ACTG1: variants seen among roughly 807,000 people sequenced by gnomAD.
ACTG1 encodes the protein actin gamma 1.
In ACTG1, 14 loss-of-function variants were observed where a neutral mutation model predicts 34.3. The ratio of observed to expected loss-of-function variants is 0.41; its 90% CI spans 0.27 to 0.64. ACTG1 has a LOEUF of 0.64. ACTG1 is among the 30% of genes least tolerant of loss of function. The pLI is 0.33. For synonymous variants in ACTG1, 422 were observed against 213.9 expected (o/e 1.97, Z -8.49); for missense variants, 233 against 529.5 (o/e 0.44, Z 5.50).
Position 81,511,992 on chromosome 17 carries a change from T to A in ACTG1, c.274A>T (p.Asn92Tyr), listed in dbSNP as rs2143783169. Residue 92 changes from asparagine (N) to tyrosine (Y), a missense_variant, in exon 3 of 6, where the codon AAC (asparagine) becomes TAC (tyrosine). Asn to Tyr is a moderately radical substitution (Grantham distance 143, BLOSUM62 -2). Coordinates refer to ENST00000573283, the MANE Select transcript of ACTG1 (RefSeq NM_001614.5). ...MEKIWHHTFY[N>Y]ELRVAPEEHP... ...TCCTCCGGGGCCACGCGCAGCTCGT[T>A]GTAGAAGGTGTGGTGCCAGATCTTC... The A allele has an allele frequency of 6.2e-7, 1 of 1,614,056 alleles. No homozygotes were observed. Among genetic ancestry groups the A allele is most frequent in the Non-Finnish European group, 8.5e-7 (1 of 1,180,034 alleles).
At position 81,511,634 on chromosome 17, in the gene ACTG1, G is replaced by A. The variant is rs201748657; in HGVS notation, c.364-8C>T. The A allele has an allele frequency of 1.0e-4, 168 of 1,612,248 alleles. No homozygotes were observed. Among genetic ancestry groups the A allele is most frequent in the Admixed American group, 7.0e-4 (42 of 59,956 alleles). Reference sequence around the variant, plus strand: ...GAAGGTCTCAAACATAATCTGAGAAGGGACAAGGGGCGGCTTAGTCAGGGA... The same window carrying A: ...GAAGGTCTCAAACATAATCTGAGAAAGGACAAGGGGCGGCTTAGTCAGGGA... On this transcript the variant is annotated splice_region_variant and splice_polypyrimidine_tract_variant and intron_variant, in intron 3 of 5. Coordinates refer to ENST00000573283, the MANE Select transcript of ACTG1 (RefSeq NM_001614.5).
Position 81,511,534 on chromosome 17 carries a change from G to A in ACTG1, c.456C>T (p.Val152=), listed in dbSNP as rs11549208. ...LYASGRTTGI[V]MDSGDGVTHT... Reference sequence around the variant, plus strand: ...GGGTGACCCCGTCTCCAGAGTCCATGACAATGCCAGTGGTGCGCCCAGAGG... The same window carrying A: ...GGGTGACCCCGTCTCCAGAGTCCATAACAATGCCAGTGGTGCGCCCAGAGG... Residue 152 remains valine, a synonymous_variant, in exon 4 of 6, where the codon GTC becomes GTT. Coordinates refer to ENST00000573283, the MANE Select transcript of ACTG1 (RefSeq NM_001614.5). The A allele has an allele frequency of 2.5e-6, 4 of 1,613,768 alleles. No homozygotes were observed. The highest frequency in any genetic ancestry group is 1.7e-6 in the Non-Finnish European group (2 of 1,180,044).
chr17:81,511,166 A>T lies in ACTG1; in HGVS notation c.802+22T>A, dbSNP rs370323297. The T allele has an allele frequency of 1.0e-4, 168 of 1,613,552 alleles. No individual in the cohort carries two copies. The African/African-American group carries it at 1.9e-3, about 18-fold the overall frequency. ...TGTCACCGAGGATGTAAGAGTAGAA[A>T]CCTTTAGCTCACAACACCTACCCAG... On this transcript the variant is annotated intron_variant, in intron 4 of 5. Coordinates refer to ENST00000573283, the MANE Select transcript of ACTG1 (RefSeq NM_001614.5).
rs761318967 is a variant in ACTG1 at position 81,510,472 on chromosome 17, C to G, written c.*218G>C. 12 of 720,862 alleles carry G rather than the reference C, an allele frequency of 1.7e-5. No homozygotes were observed. Among genetic ancestry groups the G allele is most frequent in the Non-Finnish European group, 9.8e-6 (4 of 408,034 alleles). The allele number at this position is 720,862 out of a possible 1,614,324, so 44.7% of individuals were successfully genotyped here. ...TCAAAGATATGTACAGGGTATTAAA[C>G]AAATACCAAGGGGAACAGTTAACTT... On this transcript the variant is annotated 3_prime_UTR_variant, in exon 6 of 6. Transcript: ENST00000573283.
At position 81,510,723 on chromosome 17, in the gene ACTG1, C is replaced by G. The variant is rs201121917; in HGVS notation, c.1095G>C (p.Ser365=). The change falls in exon 6 of 6, where the codon TCG becomes TCC. Residue 365 remains serine, a synonymous_variant. Coordinates refer to ENST00000573283, the MANE Select transcript of ACTG1 (RefSeq NM_001614.5). ...ATTTGCGGTGGACGATGGAGGGGCC[C>G]GACTCGTCGTACTCCTGCTTGCTAA... is the stretch of plus-strand genomic sequence containing the variant. The part of the protein sequence containing the change: ...MWISKQEYDE[S]GPSIVHRKCF 1.2e-6 allele frequency: 2 copies of G among 1,613,920 alleles called. No individual in the cohort carries two copies. Among genetic ancestry groups the G allele is most frequent in the African/African-American group, 2.7e-5 (2 of 74,900 alleles).
At position 81,510,670 on chromosome 17, in the gene ACTG1, T is replaced by C. The variant is rs2143773189; in HGVS notation, c.*20A>G. ...CTCAATTAACCCATGCAGCAAATGC[T>C]ACGCATCTGCTGAGTCCGTTTAGAA... On this transcript the variant is annotated 3_prime_UTR_variant, in exon 6 of 6. Coordinates refer to ENST00000573283, the MANE Select transcript of ACTG1 (RefSeq NM_001614.5). The C allele has an allele frequency of 6.2e-7, 1 of 1,613,354 alleles. No individual in the cohort carries two copies. The highest frequency in any genetic ancestry group is 1.1e-5 in the South Asian group (1 of 91,046).
chr17:81,512,762 G>C lies in ACTG1; in HGVS notation c.-35C>G. 2.4e-6 allele frequency: 1 copy of C among 414,878 alleles called. No homozygotes were observed. Among genetic ancestry groups the C allele is most frequent in the South Asian group, 1.7e-5 (1 of 59,312 alleles). The allele number at this position is 414,878 out of a possible 1,614,324, so 25.7% of individuals were successfully genotyped here. A position where few individuals can be genotyped will look rare whatever the true frequency, so the allele number is the denominator to read the frequency against. On this transcript the variant is annotated 5_prime_UTR_variant, in exon 1 of 6. Transcript: ENST00000573283. ...CAGAGAAACGCGACGGCGGAGCGGC[G>C]GAAGAACAGAGTGCGAGAGCTGGCA...
At position 81,510,801 on chromosome 17, in the gene ACTG1, C is replaced by A; in HGVS notation, c.1017G>T (p.Val339=). The A allele has an allele frequency of 6.2e-7, 1 of 1,614,026 alleles. No homozygotes were observed. Among genetic ancestry groups the A allele is most frequent in the Non-Finnish European group, 8.5e-7 (1 of 1,180,006 alleles). ...AGGCCAGGATGGAGCCACCGATCCA[C>A]ACCGAGTACTTGCGCTCTGGGGGTG... ...IIAPPERKYS[V]WIGGSILASL... Residue 339 remains valine, a synonymous_variant, in exon 6 of 6, where the codon GTG becomes GTT. Coordinates refer to ENST00000573283, the MANE Select transcript of ACTG1 (RefSeq NM_001614.5).
In ACTG1 at chr17:81,510,291, G is replaced by A. The variant is rs782249650; in HGVS notation, c.*399C>T. The A allele has an allele frequency of 4.1e-6, 2 of 484,474 alleles. No individual in the cohort carries two copies. The highest frequency in any genetic ancestry group is 2.7e-5 in the Admixed American group (1 of 37,516). 30.0% of individuals were successfully genotyped at this position (484,474 alleles called of 1,614,324 possible). ...AACAACTGGTTCTTGCCAGCCTCTA[G>A]AGAAATCCCAGAACACTCAGCCCTG... On this transcript the variant is annotated 3_prime_UTR_variant, in exon 6 of 6. Coordinates refer to ENST00000573283, the MANE Select transcript of ACTG1 (RefSeq NM_001614.5).
At position 81,511,528 on chromosome 17, in the gene ACTG1, G is replaced by A. The variant is rs535260759; in HGVS notation, c.462C>T (p.Asp154=). 1.1e-5 allele frequency: 17 copies of A among 1,613,900 alleles called. No individual in the cohort carries two copies. Among genetic ancestry groups the A allele is most frequent in the South Asian group, 4.4e-5 (4 of 91,086 alleles). The change falls in exon 4 of 6, where the codon GAC becomes GAT. Residue 154 remains aspartate (D), a synonymous_variant. Coordinates refer to ENST00000573283, the MANE Select transcript of ACTG1 (RefSeq NM_001614.5). ...CCGTGTGGGTGACCCCGTCTCCAGA[G>A]TCCATGACAATGCCAGTGGTGCGCC... is the stretch of plus-strand genomic sequence containing the variant. ...ASGRTTGIVM[D]SGDGVTHTVP...
At chr17:81,511,698 A>G in intron 3 of ACTG1, 72 bp from the exon 4 acceptor site, 2 of 1,542,260 alleles carry the variant, frequency 1.3e-6, no homozygotes, top group East Asian at 2.2e-5. Flanking sequence ...ACGCCACAAC[A>G]TGCTGCATGC....
chr17:81,510,804 C>A lies in ACTG1; in HGVS notation c.1014G>T (p.Ser338=), dbSNP rs1139807. ...CCAGGATGGAGCCACCGATCCACAC[C>A]GAGTACTTGCGCTCTGGGGGTGCGA... ...KIIAPPERKY[S]VWIGGSILAS... Residue 338 remains serine (S), a synonymous_variant, in exon 6 of 6, where the codon TCG becomes TCT. Coordinates refer to ENST00000573283, the MANE Select transcript of ACTG1 (RefSeq NM_001614.5). The A allele has an allele frequency of 6.2e-7, 1 of 1,613,890 alleles. No individual in the cohort carries two copies. Among genetic ancestry groups the A allele is most frequent in the Non-Finnish European group, 8.5e-7 (1 of 1,179,984 alleles).
At position 81,510,845 on chromosome 17, in the gene ACTG1, G is replaced by A. The variant is rs782542569; in HGVS notation, c.985-12C>T. On this transcript the variant is annotated splice_polypyrimidine_tract_variant and intron_variant, in intron 5 of 5. Coordinates refer to ENST00000573283, the MANE Select transcript of ACTG1 (RefSeq NM_001614.5). ...GGGGGTGCGATGATCTGCAAAGACA[G>A]CCAGGCACGGCTTCAGCTCACAGAG... 5.6e-6 allele frequency: 9 copies of A among 1,611,938 alleles called. No homozygotes were observed. Among genetic ancestry groups the A allele is most frequent in the South Asian group, 3.3e-5 (3 of 90,840 alleles).
intron 1 of ACTG1, 157 bp downstream of exon 1, chr17:81,512,577 C>T (rs909991438): frequency 2.8e-6 from 2 of 724,016 alleles, no homozygotes; most frequent in Non-Finnish European, 4.5e-6. Flanking sequence ...CCTGGACCCC[C>T]GGCGCCCCCC....
chr17:81,511,612 G>A lies in ACTG1; in HGVS notation c.378C>T (p.Thr126=), dbSNP rs11549201. 55 of 1,613,364 alleles carry A rather than the reference G, an allele frequency of 3.4e-5. No homozygotes were observed. Among genetic ancestry groups the A allele is most frequent in the Non-Finnish European group, 4.4e-5 (52 of 1,179,956 alleles). ...REKMTQIMFE[T]FNTPAMYVAI... ...CCACGTACATGGCCGGGGTGTTGAA[G>A]GTCTCAAACATAATCTGAGAAGGGA... The change falls in exon 4 of 6, where the codon ACC becomes ACT. Residue 126 remains threonine (T), a synonymous_variant. Transcript: ENST00000573283.
Position 81,510,149 on chromosome 17 carries a change from C to T in ACTG1, c.*541G>A, listed in dbSNP as rs1349749275. 1 of 517,210 alleles carries T rather than the reference C, an allele frequency of 1.9e-6. No individual in the cohort carries two copies. Among genetic ancestry groups the T allele is most frequent in the South Asian group, 1.5e-5 (1 of 65,588 alleles). 32.0% of individuals were successfully genotyped at this position (517,210 alleles called of 1,614,324 possible). A position where few individuals can be genotyped will look rare whatever the true frequency, so the allele number is the denominator to read the frequency against. ...ATACATTTACAGGCGTAAATGCAAA[C>T]CGCTTCCAACTCAAAGCAAGTAACA... On this transcript the variant is annotated 3_prime_UTR_variant, in exon 6 of 6. Transcript: ENST00000573283.
chr17:81,512,517 T>C (rs2031878608), intron 1 of ACTG1, 157 bp from the exon 2 acceptor site: 1 of 1,224,186 alleles, frequency 8.2e-7, no homozygotes, highest in African/African-American at 1.5e-5. Flanking sequence ...AGGCCGGGCC[T>C]TTTACGTAAC....
At position 81,510,747 on chromosome 17, in the gene ACTG1, A is replaced by G. The variant is rs1234831844; in HGVS notation, c.1071T>C (p.Ile357=). The change falls in exon 6 of 6, where the codon ATT becomes ATC. Residue 357 remains isoleucine (I), a synonymous_variant. Coordinates refer to ENST00000573283, the MANE Select transcript of ACTG1 (RefSeq NM_001614.5). ...CCGACTCGTCGTACTCCTGCTTGCT[A>G]ATCCACATCTGCTGGAAGGTGGACA... ...ASLSTFQQMW[I]SKQEYDESGP... is the part of the protein sequence containing the mutation. The G allele has an allele frequency of 6.2e-7, 1 of 1,613,898 alleles. No individual in the cohort carries two copies. Among genetic ancestry groups the G allele is most frequent in the Non-Finnish European group, 8.5e-7 (1 of 1,179,994 alleles).
At position 81,512,736 on chromosome 17, in the gene ACTG1, G is replaced by A. The variant is rs781806293; in HGVS notation, c.-9C>T. The A allele has an allele frequency of 1.2e-5, 5 of 412,316 alleles. No individual in the cohort carries two copies. The highest frequency in any genetic ancestry group is 4.4e-5 in the African/African-American group (2 of 45,558). 25.5% of individuals were successfully genotyped at this position (412,316 alleles called of 1,614,324 possible). A position where few individuals can be genotyped will look rare whatever the true frequency, so the allele number is the denominator to read the frequency against. On this transcript the variant is annotated splice_region_variant and 5_prime_UTR_variant, in exon 1 of 6. Transcript: ENST00000573283. ...AGGCCCCGGGGCGGGGCGCTCACCGGCAGAGAAACGCGACGGCGGAGCGGC... is the reference window on the plus strand; with the variant it reads ...AGGCCCCGGGGCGGGGCGCTCACCGACAGAGAAACGCGACGGCGGAGCGGC...
Sources: gnomAD v4.1 joint callset for allele counts on GRCh38, gnomAD v4.1.1 for gene constraint, MANE v1.5 for transcripts, NCBI Gene and HGNC (gene_info 2026-07-23, HGNC 2026-07-21) for gene names.